Variants in HMMR observed in about 807,000 individuals in gnomAD.
HMMR encodes the protein hyaluronan mediated motility receptor, also known as intracellular hyaluronic acid-binding protein.
HMMR carries 108 observed loss-of-function variants against 101.0 expected under a neutral mutation model. The ratio of observed to expected loss-of-function variants is 1.07; its 90% confidence interval spans 0.92 to 1.25. The LOEUF is 1.25. Ranked by LOEUF, HMMR falls within the 50% of genes most tolerant of loss-of-function variation. HMMR has a pLI of 0.00. For missense variants in HMMR, 813 were observed against 788.7 expected (o/e 1.03, Z -0.37); for synonymous variants, 296 against 276.4 (o/e 1.07, Z -0.70).
At chr5:163,462,103 T>C (rs1758559526) in intron 1 of HMMR, among the ~76,000 whole-genome samples, 1 of 152,170 alleles carries the variant, frequency 6.6e-6, no homozygotes, top group Admixed American at 6.5e-5. Context: ...GTTAAAAGAC[T>C]CAAGGACCAT....
At position 163,473,558 on chromosome 5, in the gene HMMR, GTATTACAGTGTTT is replaced by G; in HGVS notation, c.904+5_904+17del. On this transcript the variant is annotated splice_donor_variant and splice_donor_5th_base_variant and intron_variant, in intron 9 of 17. Transcript: ENST00000393915. LOFTEE classifies it high-confidence loss of function. The stretch of plus-strand genomic sequence containing the variant: ...TGTCAGCTGCTTGAAAAAGAAAAAG[GTATTACAGTGTTT>G]TATAGTTACTTTGTTTAGATAAGTG... 6.5e-7 allele frequency: 1 copy of G among 1,539,538 alleles called. No homozygotes were observed. Among genetic ancestry groups the G allele is most frequent in the Non-Finnish European group, 8.8e-7 (1 of 1,132,742 alleles).
intron 1 of HMMR, among the ~76,000 whole-genome samples, chr5:163,463,067 T>C (rs1018959379): frequency 5.9e-5 from 9 of 152,182 alleles, no homozygotes; most frequent in Non-Finnish European, 1.2e-4. Flanking sequence ...AGGCCCCATC[T>C]CAGGTCTGCT....
intron 12 of HMMR, among the ~76,000 whole-genome samples, chr5:163,479,369 GTC>G (rs1759181250): frequency 6.6e-6 from 1 of 152,044 alleles, no homozygotes; most frequent in South Asian, 2.1e-4. Context: ...ATGTACATCT[GTC>G]TGTAAAATAT....
intron 2 of HMMR, 117 bp from the exon 3 acceptor site, chr5:163,464,606 T>C: frequency 2.8e-6 from 2 of 706,938 alleles, no homozygotes; most frequent in South Asian, 1.6e-5. Flanking sequence ...AGTGAGACTG[T>C]CTCAAAAAAC....
intron 1 of HMMR, among the ~76,000 whole-genome samples, chr5:163,461,959 A>G (rs991286470): frequency 6.6e-6 from 1 of 152,242 alleles, no homozygotes; most frequent in Non-Finnish European, 1.5e-5. Flanking sequence ...CTCATGATTT[A>G]TTCACTATCA....
chr5:163,485,362 T>C (rs190120466), intron 16 of HMMR, among the ~76,000 whole-genome samples: 1 of 152,332 alleles, frequency 6.6e-6, no homozygotes, highest in Admixed American at 6.5e-5. Context: ...GACTTCTTTA[T>C]CCTAGCCATT....
chr5:163,466,361 C>A (rs1343965875), intron 3 of HMMR, among the ~76,000 whole-genome samples: 2 of 152,172 alleles, frequency 1.3e-5, no homozygotes, highest in Non-Finnish European at 2.9e-5. Flanking sequence ...GTTGTTCATT[C>A]ATTTGGCAGT....
At chr5:163,464,976 T>G in intron 3 of HMMR, 174 bp downstream of exon 3, 1 of 577,874 alleles carries the variant, frequency 1.7e-6, no homozygotes, top group Non-Finnish European at 3.1e-6. Flanking sequence ...TCTGCCTAGG[T>G]CATTATGTTT....
At position 163,483,319 on chromosome 5, in the gene HMMR, G is replaced by A; in HGVS notation, c.1737G>A (p.Lys579=). The A allele has an allele frequency of 6.2e-7, 1 of 1,610,420 alleles. No homozygotes were observed. Among genetic ancestry groups the A allele is most frequent in the Non-Finnish European group, 8.5e-7 (1 of 1,176,996 alleles). The change falls in exon 15 of 18, where the codon AAG becomes AAA. Residue 579 remains lysine (K), a synonymous_variant. Coordinates refer to ENST00000393915, the MANE Select transcript of HMMR (RefSeq NM_001142556.2). ...CAGAATTAACTGAAGAAATTAACAA[G>A]TGGCGTCTCCTCTATGAAGAACTAT... ...TTAELTEEIN[K]WRLLYEELYN... is the part of the protein sequence containing the mutation.
chr5:163,486,369 C>A (rs1759476502), intron 16 of HMMR, among the ~76,000 whole-genome samples: 1 of 151,954 alleles, frequency 6.6e-6, no homozygotes, highest in South Asian at 2.1e-4. Flanking sequence ...AAATTTATTA[C>A]TATTTTATTC....
chr5:163,474,228 T>A, intron 10 of HMMR, 23 bp downstream of exon 10: 14 of 1,576,670 alleles, frequency 8.9e-6, no homozygotes, highest in Non-Finnish European at 1.2e-5. Context: ...CATATTTTTT[T>A]AAACTGTTCA....
intron 3 of HMMR, chr5:163,465,208 C>T (rs1758658478): frequency 5.6e-6 from 1 of 177,182 alleles, no homozygotes; most frequent in African/African-American, 2.4e-5. Flanking sequence ...AGGTTTGCTA[C>T]TGAGAAACTG....
At position 163,469,774 on chromosome 5, in the gene HMMR, C is replaced by T. The variant is rs760286148; in HGVS notation, c.407C>T (p.Thr136Ile). ...ACATCTCTCTCTGCAAATAATGCTA[C>T]ACTGGAAAAACAACTTATTGAATTG... ...EKTSLSANNA[T>I]LEKQLIELTR... The change falls in exon 5 of 18, where the codon ACA becomes ATA. Residue 136 changes from threonine to isoleucine, a missense_variant. By Grantham distance (89) the Thr-to-Ile change is moderately conservative. Transcript: ENST00000393915. 6.2e-7 allele frequency: 1 copy of T among 1,612,140 alleles called. No individual in the cohort carries two copies. Among genetic ancestry groups the T allele is most frequent in the African/African-American group, 1.3e-5 (1 of 75,008 alleles).
At chr5:163,473,087 G>A in intron 7 of HMMR, 92 bp from the exon 8 acceptor site, 2 of 657,296 alleles carry the variant, frequency 3.0e-6, no homozygotes, top group Non-Finnish European at 5.4e-6. Context: ...TAGTCAGCCT[G>A]CCTGATACAG....
intron 7 of HMMR, among the ~76,000 whole-genome samples, chr5:163,472,056 T>TATTA (rs11443144): frequency 1.7e-4 from 25 of 148,464 alleles, no homozygotes; most frequent in Middle Eastern, 3.5e-3. Flanking sequence ...TATTATTTAT[T>TATTA]TTTTTTTTTA....
At chr5:163,460,863 T>A (rs1758499843) in intron 1 of HMMR, 125 bp downstream of exon 1, 1 of 791,834 alleles carries the variant, frequency 1.3e-6, no homozygotes, top group African/African-American at 1.7e-5. Context: ...TTCAGTTGAT[T>A]GATTTTTCTC....
chr5:163,471,410 C>G lies in HMMR; in HGVS notation c.597C>G (p.Thr199=). Residue 199 remains threonine, a synonymous_variant, in exon 7 of 18, where the codon ACC becomes ACG. Transcript: ENST00000393915. ...GCATGGAGATGAAGCTGCAGGTCAC[C>G]CAAAGGAGTCTCGAAGAGTCTCAAG... ...QEGMEMKLQV[T]QRSLEESQGK... The G allele has an allele frequency of 1.2e-6, 2 of 1,614,030 alleles. No individual in the cohort carries two copies. Among genetic ancestry groups the G allele is most frequent in the Non-Finnish European group, 1.7e-6 (2 of 1,179,984 alleles).
intron 16 of HMMR, among the ~76,000 whole-genome samples, chr5:163,488,516 A>T (rs1468642024): frequency 6.6e-6 from 1 of 152,154 alleles, no homozygotes; most frequent in African/African-American, 2.4e-5. Context: ...TTGTTTGCTT[A>T]ATGAGTGGCT....
Position 163,484,650 on chromosome 5 carries a change from C to T in HMMR, c.1962+405C>T, listed in dbSNP as rs150529890. 4.3e-4 allele frequency among the ~76,000 whole-genome samples: 65 copies of T among 152,202 alleles called. 1 individual carries two copies. The East Asian group carries it at 0.012, about 27-fold the overall frequency. ...ATCCACCCATTGAAAGTGGACAATT[C>T]AGTGTTTTTTAGTATACTCACAGAT... On this transcript the variant is annotated intron_variant, in intron 16 of 17. Coordinates refer to ENST00000393915, the MANE Select transcript of HMMR (RefSeq NM_001142556.2).
Sources: allele counts gnomAD v4.1 joint callset (sites outside exome capture counted in the v4.1 genomes callset), GRCh38; gene constraint gnomAD v4.1.1; transcripts MANE v1.5; gene names NCBI Gene and HGNC (gene_info 2026-07-23, HGNC 2026-07-21).